SP140: variants seen among roughly 807,000 people sequenced by gnomAD.
The protein encoded by SP140 is SP140 nuclear body protein.
A neutral mutation model predicts 125.0 loss-of-function variants in SP140; 81 were observed. The observed-to-expected ratio is 0.65, with a 90% confidence interval of 0.54 to 0.78. SP140 has a LOEUF of 0.78. SP140 is among the 30% of genes least tolerant of loss of function. The pLI, the probability that SP140 is intolerant of heterozygous loss-of-function variation, is 0.00. For synonymous variants in SP140, 312 were observed against 354.0 expected, an observed-to-expected ratio of 0.88 and a Z score of 1.33; for missense variants, 858 against 1,037.0, an observed-to-expected ratio of 0.83 and a Z score of 2.37.
intron 22 of SP140, among the ~76,000 whole-genome samples, chr2:230,303,908 G>A (rs938658275): frequency 6.6e-6 from 1 of 152,138 alleles, no homozygotes; most frequent in Non-Finnish European, 1.5e-5. Context: ...CCTAGGCAGA[G>A]CAATCAGACA....
rs2056592386 is a variant in SP140 at position 230,287,876 on chromosome 2, T to C, written c.1646-16T>C. 22 of 1,598,804 alleles carry C rather than the reference T, an allele frequency of 1.4e-5. No homozygotes were observed. The highest frequency in any genetic ancestry group is 1.8e-5 in the Non-Finnish European group (21 of 1,170,742). On this transcript the variant is annotated splice_polypyrimidine_tract_variant and intron_variant, in intron 17 of 26. Coordinates refer to ENST00000392045, the MANE Select transcript of SP140 (RefSeq NM_007237.5). ...TGCTCATAAATGACTGTGATTATAT[T>C]ATTCTACTTTCTCAGGGAGAAAGAG...
chr2:230,212,812 C>T (rs1161388042), intron 1 of SP140: 2 of 1,614,074 alleles, frequency 1.2e-6, no homozygotes, highest in South Asian at 1.1e-5. Context: ...AGGACAGGGT[C>T]AGATGGGCTG....
intron 15 of SP140, among the ~76,000 whole-genome samples, chr2:230,276,664 A>G (rs758885782): frequency 1.1e-4 from 16 of 152,200 alleles, no homozygotes; most frequent in Non-Finnish European, 2.4e-4. Context: ...TTGTAATGCT[A>G]TAGCTGTCTC....
At chr2:230,308,241 A>G (rs1478306534) in intron 22 of SP140, among the ~76,000 whole-genome samples, 1 of 151,812 alleles carries the variant, frequency 6.6e-6, no homozygotes, top group Admixed American at 6.6e-5. Flanking sequence ...CTGAGAGGGA[A>G]GGGTGGAGGA....
chr2:230,199,156 T>A (rs1310229808), upstream of SP140, among the ~76,000 whole-genome samples: 69 of 137,132 alleles, frequency 5.0e-4, no homozygotes, highest in Admixed American at 9.0e-4. Context: ...TTATTTTTTT[T>A]TTTTTTTAGT....
chr2:230,200,877 A>C (rs770087375), upstream of SP140: 7 of 1,605,076 alleles, frequency 4.4e-6, no homozygotes, highest in South Asian at 6.6e-5. Flanking sequence ...GCAATCTCCA[A>C]GTTTTACCTT....
intron 12 of SP140, among the ~76,000 whole-genome samples, chr2:230,259,461 T>C (rs1164187199): frequency 6.6e-6 from 1 of 151,672 alleles, no homozygotes; most frequent in Non-Finnish European, 1.5e-5. Context: ...ATGGATCACC[T>C]GAGGTCAGGA....
rs1364717316 is a variant in SP140, at chr2:230,241,413, A to C, written c.416A>C (p.Glu139Ala). 1 of 1,591,662 alleles carries C rather than the reference A, an allele frequency of 6.3e-7. No homozygotes were observed. Among genetic ancestry groups the C allele is most frequent in the Non-Finnish European group, 8.6e-7 (1 of 1,159,636 alleles). The change falls in exon 4 of 27, where the codon GAA (glutamate) becomes GCA (alanine). Residue 139 changes from glutamate (E) to alanine (A), a missense_variant. Physicochemically the swap from Glu to Ala is moderately radical, Grantham distance 107. Coordinates refer to ENST00000392045, the MANE Select transcript of SP140 (RefSeq NM_007237.5). ...IYRSFQNVCY[E>A]HSPLQMNNVN... ...ACATTGTTTTCCTCAGTATGCTATGAACACTCACCTCTCCAAATGAATAAT... is the reference window on the plus strand; with the variant it reads ...ACATTGTTTTCCTCAGTATGCTATGCACACTCACCTCTCCAAATGAATAAT...
At chr2:230,229,977 T>A (rs1472488257) in intron 1 of SP140, among the ~76,000 whole-genome samples, 1 of 152,286 alleles carries the variant, frequency 6.6e-6, no homozygotes, top group South Asian at 2.1e-4. Flanking sequence ...CAATATTTTC[T>A]CTGTCTTTCG....
At position 230,214,809 on chromosome 2, in the gene SP140, T is replaced by G. The variant is rs2044922418; in HGVS notation, c.-91+735T>G. Reference sequence around the variant, plus strand: ...TAGCAAGGGGCTGCTCCTGCAGCTGTACCAATGAGAGAATATGGTCCATTC... The same window carrying G: ...TAGCAAGGGGCTGCTCCTGCAGCTGGACCAATGAGAGAATATGGTCCATTC... On this transcript the variant is annotated intron_variant, in intron 3 of 4. Coordinates refer to the SP140 transcript ENST00000456542. The G allele has an allele frequency of 4.1e-6, 3 of 725,114 alleles. No individual in the cohort carries two copies. In the South Asian group the frequency reaches 4.6e-5, roughly 11 times the overall value. 44.9% of individuals were successfully genotyped at this position (725,114 alleles called of 1,614,324 possible). A position where few individuals can be genotyped will look rare whatever the true frequency, so the allele number is the denominator to read the frequency against.
At chr2:230,241,268 A>T (rs1026269742) in intron 3 of SP140, 136 bp from the exon 4 acceptor site, 10 of 659,168 alleles carry the variant, frequency 1.5e-5, no homozygotes, top group Non-Finnish European at 2.4e-5. Flanking sequence ...CTCAATGAAA[A>T]AAAGGGGAAC....
intron 1 of SP140, among the ~76,000 whole-genome samples, chr2:230,230,801 T>C (rs1212385201): frequency 6.6e-6 from 1 of 152,226 alleles, no homozygotes; most frequent in African/African-American, 2.4e-5. Context: ...GTCATTACTT[T>C]TGGAAAATTC....
intron 15 of SP140, among the ~76,000 whole-genome samples, chr2:230,272,297 G>A (rs999897500): frequency 6.6e-6 from 1 of 152,132 alleles, no homozygotes; most frequent in African/African-American, 2.4e-5. Flanking sequence ...GAGATATCAT[G>A]CTACCCAATT....
In SP140 at chr2:230,310,140, A is replaced by G. The variant is rs376808973; in HGVS notation, c.2174+101A>G. On this transcript the variant is annotated intron_variant, in intron 23 of 26. Coordinates refer to ENST00000392045, the MANE Select transcript of SP140 (RefSeq NM_007237.5). Reference sequence around the variant, plus strand: ...TGCCGGCTTGTGTCTAGATGGGGAAAGAGCAGGTTCATCGGGTACTGGGAC... The same window carrying G: ...TGCCGGCTTGTGTCTAGATGGGGAAGGAGCAGGTTCATCGGGTACTGGGAC... The G allele has an allele frequency of 8.3e-5, 95 of 1,146,828 alleles. No individual in the cohort carries two copies. The African/African-American group carries it at 1.2e-3, about 14-fold the overall frequency. 71.0% of individuals were successfully genotyped at this position (1,146,828 alleles called of 1,614,324 possible). A position where few individuals can be genotyped will look rare whatever the true frequency, so the allele number is the denominator to read the frequency against.
At chr2:230,247,057 C>G (rs10200874) in intron 7 of SP140, among the ~76,000 whole-genome samples, 44,035 of 151,916 alleles carry the variant, frequency 0.29, 6,510 homozygotes, top group Middle Eastern at 0.35. Context: ...GTGTCCCCAG[C>G]CTATCAAAAT....
At chr2:230,287,747 C>T (rs994890980) in intron 17 of SP140, 145 bp from the exon 18 acceptor site, 8 of 601,346 alleles carry the variant, frequency 1.3e-5, no homozygotes, top group African/African-American at 1.3e-4. Context: ...TTCTTCATAC[C>T]TTAAAGGCTA....
intron 9 of SP140, among the ~76,000 whole-genome samples, chr2:230,249,420 T>A (rs551095904): frequency 6.6e-6 from 1 of 152,240 alleles, no homozygotes; most frequent in East Asian, 1.9e-4. Context: ...GGGATGGTGC[T>A]GACAAGGGAA....
chr2:230,209,806 A>C (rs942247822), intron 1 of SP140: 16 of 733,802 alleles, frequency 2.2e-5, no homozygotes, highest in Non-Finnish European at 3.7e-5. Context: ...AACTGCAGAA[A>C]CGAACTGTGT....
At chr2:230,260,019 C>T (rs1173615719) in intron 12 of SP140, among the ~76,000 whole-genome samples, 1 of 152,096 alleles carries the variant, frequency 6.6e-6, no homozygotes, top group African/African-American at 2.4e-5. Flanking sequence ...AATCTCTACA[C>T]TGTTTTCCAT....
Sources: gnomAD v4.1 joint callset for allele counts (sites outside exome capture counted in the v4.1 genomes callset) on GRCh38, gnomAD v4.1.1 for gene constraint, MANE v1.5 for transcripts, NCBI Gene and HGNC (gene_info 2026-07-23, HGNC 2026-07-21) for gene names.